Variants in CNBD1 observed in about 807,000 individuals in gnomAD.
The protein encoded by CNBD1 is cyclic nucleotide-binding domain-containing protein 1.
Under a neutral mutation model 54.4 loss-of-function variants are expected in CNBD1, and 71 were observed. The observed-to-expected ratio is 1.30, with a 90% CI of 1.08 to 1.59. CNBD1 has a LOEUF of 1.59. Ranked by LOEUF, CNBD1 falls within the 40% of genes most tolerant of loss-of-function variation. The probability of loss-of-function intolerance (pLI) is 0.00; values close to 1 mark genes in which losing one functional copy is unlikely to be tolerated. For synonymous variants in CNBD1, 182 were observed against 170.7 expected (o/e 1.07, Z -0.51); for missense variants, 659 against 518.0 (o/e 1.27, Z -2.64).
At chr8:87,382,485 A>T in intron 10 of CNBD1, 135 bp from the exon 11 acceptor site, 1 of 600,434 alleles carries the variant, frequency 1.7e-6, no homozygotes, top group Non-Finnish European at 3.0e-6. Flanking sequence ...AGCTCTGACA[A>T]TATTATTTTT....
At chr8:86,911,927 A>G (rs1369312668) in intron 3 of CNBD1, among the ~76,000 whole-genome samples, 1 of 152,172 alleles carries the variant, frequency 6.6e-6, no homozygotes, top group Non-Finnish European at 1.5e-5. Flanking sequence ...GATCTCTACT[A>G]GGAAAACTAT....
chr8:87,298,511 G>T (rs192912435), intron 8 of CNBD1, among the ~76,000 whole-genome samples: 1 of 140,326 alleles, frequency 7.1e-6, no homozygotes, highest in Non-Finnish European at 1.5e-5. Flanking sequence ...TTGAGATGGA[G>T]CCTCTCACTG....
chr8:87,049,966 A>G (rs1416756438), intron 4 of CNBD1, among the ~76,000 whole-genome samples: 1 of 151,900 alleles, frequency 6.6e-6, no homozygotes, highest in African/African-American at 2.4e-5. Flanking sequence ...CTGAGTTAAA[A>G]CTCCCAAGGC....
chr8:87,239,445 G>A (rs1161478309), intron 6 of CNBD1, among the ~76,000 whole-genome samples: 1 of 152,010 alleles, frequency 6.6e-6, no homozygotes, highest in Non-Finnish European at 1.5e-5. Flanking sequence ...TTGTGTCTAG[G>A]AGAGTTTTGT....
At chr8:87,212,657 T>C (rs984648755) in intron 5 of CNBD1, among the ~76,000 whole-genome samples, 1 of 152,118 alleles carries the variant, frequency 6.6e-6, no homozygotes, top group Non-Finnish European at 1.5e-5. Flanking sequence ...ATCAAGATGC[T>C]AAATAATGAA....
intron 4 of CNBD1, among the ~76,000 whole-genome samples, chr8:86,964,753 C>A (rs891357190): frequency 1.3e-5 from 2 of 152,044 alleles, no homozygotes; most frequent in Non-Finnish European, 2.9e-5. Context: ...GAGCTGATTC[C>A]CCTGCTGAAG....
At chr8:86,924,852 T>C (rs1440039784) in intron 3 of CNBD1, among the ~76,000 whole-genome samples, 4 of 152,222 alleles carry the variant, frequency 2.6e-5, no homozygotes, top group African/African-American at 4.8e-5. Context: ...CTTTCTTGCA[T>C]GTTTCTATAG....
intron 4 of CNBD1, among the ~76,000 whole-genome samples, chr8:87,088,157 T>C (rs1163319547): frequency 1.3e-5 from 2 of 152,204 alleles, no homozygotes; most frequent in Non-Finnish European, 2.9e-5. Flanking sequence ...TATTAGTTTT[T>C]TTCCCCTTTG....
chr8:87,351,556 CTG>C, intron 8 of CNBD1, 127 bp from the exon 9 acceptor site: 1 of 836,404 alleles, frequency 1.2e-6, no homozygotes, highest in Non-Finnish European at 1.7e-6. Context: ...TGTCTATAAA[CTG>C]GAATCTATTA....
chr8:87,145,147 A>G (rs1812456628), intron 4 of CNBD1, among the ~76,000 whole-genome samples: 1 of 152,178 alleles, frequency 6.6e-6, no homozygotes, highest in East Asian at 1.9e-4. Context: ...GGTGCTTTTT[A>G]GTAAGTTTGA....
chr8:86,932,014 A>G (rs1484044762), intron 3 of CNBD1, among the ~76,000 whole-genome samples: 5 of 152,196 alleles, frequency 3.3e-5, no homozygotes, highest in Non-Finnish European at 7.3e-5. Flanking sequence ...ATGGGGATCA[A>G]TACTGGGGAC....
chr8:86,951,161 T>C (rs992153153), intron 4 of CNBD1, among the ~76,000 whole-genome samples: 1 of 152,192 alleles, frequency 6.6e-6, no homozygotes, highest in African/African-American at 2.4e-5. Flanking sequence ...AGAAGCTGAT[T>C]CTTAAGCTAA....
intron 4 of CNBD1, among the ~76,000 whole-genome samples, chr8:87,138,987 A>C (rs1812317653): frequency 6.6e-6 from 1 of 152,192 alleles, no homozygotes. Flanking sequence ...ACAATTTTTA[A>C]ATTAACAGGT....
intron 10 of CNBD1, 129 bp from the exon 11 acceptor site, chr8:87,382,491 T>C (rs976668057): frequency 1.6e-6 from 1 of 625,454 alleles, no homozygotes; most frequent in South Asian, 2.3e-5. Context: ...GACAATATTA[T>C]TTTTTTCTTT....
intron 3 of CNBD1, among the ~76,000 whole-genome samples, chr8:86,913,503 A>G (rs1026780642): frequency 2.8e-4 from 42 of 152,268 alleles, no homozygotes; most frequent in African/African-American, 9.9e-4. Flanking sequence ...AAAAGAGAGA[A>G]ATTTTAAAGC....
At chr8:87,381,820 G>T (rs915989833) in intron 10 of CNBD1, among the ~76,000 whole-genome samples, 2 of 151,828 alleles carry the variant, frequency 1.3e-5, no homozygotes, top group Non-Finnish European at 2.9e-5. Flanking sequence ...ATTAAAAAGT[G>T]GAATGGTGGT....
chr8:86,941,765 G>T (rs1809660360), intron 4 of CNBD1, among the ~76,000 whole-genome samples: 1 of 152,200 alleles, frequency 6.6e-6, no homozygotes, highest in Non-Finnish European at 1.5e-5. Flanking sequence ...CAAGCACAGT[G>T]AATAATAGAC....
At chr8:87,005,131 C>A (rs1809069891) in intron 4 of CNBD1, among the ~76,000 whole-genome samples, 1 of 151,756 alleles carries the variant, frequency 6.6e-6, no homozygotes, top group Admixed American at 6.6e-5. Context: ...CGCTTGTAAT[C>A]CCAGCACTTT....
chr8:86,942,173 T>G (rs1807333576), intron 4 of CNBD1, among the ~76,000 whole-genome samples: 1 of 152,238 alleles, frequency 6.6e-6, no homozygotes, highest in Admixed American at 6.5e-5. Context: ...TATGACAAAC[T>G]ATTAATAGTA....
Sources: allele counts gnomAD v4.1 joint callset (sites outside exome capture counted in the v4.1 genomes callset), GRCh38; gene constraint gnomAD v4.1.1; transcripts MANE v1.5; gene names NCBI Gene and HGNC (gene_info 2026-07-23, HGNC 2026-07-21).